Variants in TNFRSF21 observed in about 807,000 individuals in gnomAD.
TNFRSF21 encodes TNF receptor superfamily member 21, also known as tumor necrosis factor receptor superfamily member 21.
Under a neutral mutation model 45.6 loss-of-function variants are expected in TNFRSF21, and 19 were observed. The ratio of observed to expected loss-of-function variants is 0.42; its 90% CI spans 0.29 to 0.61. TNFRSF21 has a LOEUF of 0.61. Ranked by LOEUF, TNFRSF21 falls within the 20% of genes least tolerant of loss-of-function variation. TNFRSF21 has a pLI of 0.23. For synonymous variants in TNFRSF21, 314 were observed against 335.5 expected (o/e 0.94, Z 0.70); for missense variants, 737 against 851.5 (o/e 0.87, Z 1.67).
intron 3 of TNFRSF21, among the ~76,000 whole-genome samples, chr6:47,282,932 A>C (rs1762590896): frequency 6.6e-6 from 1 of 152,218 alleles, no homozygotes; most frequent in Non-Finnish European, 1.5e-5. Context: ...TAAAAGTTTA[A>C]GATCTTTGTG....
At chr6:47,286,616 G>A (rs1674552855) in intron 1 of TNFRSF21, 21 bp from the exon 2 acceptor site, 2 of 1,577,880 alleles carry the variant, frequency 1.3e-6, no homozygotes, top group African/African-American at 2.7e-5. Context: ...CAGAAGGGGA[G>A]GGAAAGGAAC....
chr6:47,286,240 G>A lies in TNFRSF21; in HGVS notation c.452C>T (p.Pro151Leu). Residue 151 changes from proline to leucine, a missense_variant, in exon 2 of 6, where the codon CCT becomes CTT. Coordinates refer to ENST00000296861, the MANE Select transcript of TNFRSF21 (RefSeq NM_014452.5). ...NATCAPHTVC[P>L]VGWGVRKKGT... ...TTTCTTCCGCACACCCCAACCCACA[G>A]GACACACCGTATGGGGGGCACAGGT... is the stretch of plus-strand genomic sequence containing the variant. The A allele has an allele frequency of 4.3e-6, 7 of 1,614,218 alleles. No individual in the cohort carries two copies. Among genetic ancestry groups the A allele is most frequent in the Non-Finnish European group, 5.1e-6 (6 of 1,180,036 alleles).
chr6:47,272,787 A>G (rs1762442138), intron 3 of TNFRSF21, among the ~76,000 whole-genome samples: 1 of 152,222 alleles, frequency 6.6e-6, no homozygotes, highest in Admixed American at 6.5e-5. Flanking sequence ...ATAAAGAAGA[A>G]GAGAGAAGAA....
intron 1 of TNFRSF21, among the ~76,000 whole-genome samples, chr6:47,304,717 C>T (rs1471382094): frequency 6.6e-6 from 1 of 152,138 alleles, no homozygotes; most frequent in African/African-American, 2.4e-5. Flanking sequence ...TTTTCCCTTC[C>T]CAACTTAAGG....
chr6:47,235,060 A>G (rs1176286951), intron 4 of TNFRSF21, among the ~76,000 whole-genome samples, 162 bp from the exon 5 acceptor site: 1 of 152,158 alleles, frequency 6.6e-6, no homozygotes, highest in Non-Finnish European at 1.5e-5. Flanking sequence ...AGACACATAC[A>G]CAGACTTTTA....
intron 5 of TNFRSF21, among the ~76,000 whole-genome samples, chr6:47,234,446 C>A (rs1399039053): frequency 1.3e-5 from 2 of 152,192 alleles, no homozygotes; most frequent in Non-Finnish European, 2.9e-5. Flanking sequence ...AGCTCTCCAC[C>A]GGGCAGTGCG....
chr6:47,236,280 C>T (rs532989949), intron 4 of TNFRSF21, among the ~76,000 whole-genome samples: 13 of 152,240 alleles, frequency 8.5e-5, no homozygotes, highest in African/African-American at 3.1e-4. Context: ...ATAAAAAAAC[C>T]TGGGAGCCAG....
At chr6:47,285,631 C>G (rs1762634748) in intron 2 of TNFRSF21, among the ~76,000 whole-genome samples, 1 of 152,210 alleles carries the variant, frequency 6.6e-6, no homozygotes, top group South Asian at 2.1e-4. Context: ...AAGTTTGAAA[C>G]TGAGGCCTGA....
intron 2 of TNFRSF21, 72 bp downstream of exon 2, chr6:47,285,872 A>T (rs1401030020): frequency 1.3e-6 from 2 of 1,505,990 alleles, no homozygotes; most frequent in African/African-American, 2.8e-5. Flanking sequence ...CATCTTTGGT[A>T]TAAGCCCACT....
intron 3 of TNFRSF21, among the ~76,000 whole-genome samples, chr6:47,281,598 C>A (rs1448536170): frequency 1.3e-5 from 2 of 152,110 alleles, no homozygotes; most frequent in African/African-American, 2.4e-5. Context: ...CCAGGCGGGT[C>A]TCAAACTCCT....
intron 3 of TNFRSF21, among the ~76,000 whole-genome samples, chr6:47,276,955 T>C (rs1054862870): frequency 3.3e-5 from 5 of 152,196 alleles, no homozygotes; most frequent in African/African-American, 1.2e-4. Flanking sequence ...GGTGGCAGTG[T>C]TGCTCCTACC....
intron 3 of TNFRSF21, among the ~76,000 whole-genome samples, chr6:47,254,322 C>T (rs1764949256): frequency 6.6e-6 from 1 of 152,150 alleles, no homozygotes; most frequent in South Asian, 2.1e-4. Context: ...GAGATTTGAT[C>T]GCATTACTCA....
chr6:47,237,788 A>C (rs1764680993), intron 4 of TNFRSF21, among the ~76,000 whole-genome samples: 1 of 152,060 alleles, frequency 6.6e-6, no homozygotes, highest in Non-Finnish European at 1.5e-5. Context: ...TAACCAGTTG[A>C]CCTATAATAC....
At chr6:47,293,769 A>T (rs1203403413) in intron 1 of TNFRSF21, among the ~76,000 whole-genome samples, 1 of 152,226 alleles carries the variant, frequency 6.6e-6, no homozygotes, top group South Asian at 2.1e-4. Flanking sequence ...TTAGGATGAA[A>T]GGCAAAGTCT....
In TNFRSF21 at chr6:47,284,405, G is replaced by A. The variant is rs1762618026; in HGVS notation, c.776C>T (p.Ser259Phe). The A allele has an allele frequency of 6.6e-7, 1 of 1,522,658 alleles. No individual in the cohort carries two copies. The highest frequency in any genetic ancestry group is 8.8e-7 in the Non-Finnish European group (1 of 1,137,454). The allele number at this position is 1,522,658 out of a possible 1,614,324, so 94.3% of individuals were successfully genotyped here. Residue 259 changes from serine to phenylalanine, a missense_variant, in exon 3 of 6, where the codon TCT becomes TTT. Coordinates refer to ENST00000296861, the MANE Select transcript of TNFRSF21 (RefSeq NM_014452.5). ...CAGTACCTTTGGTCTAACAGAGGCA[G>A]AAGAGTTGGATTCTGTTGAGTTCAT... is the stretch of plus-strand genomic sequence containing the variant. Reference protein sequence around the residue: ...KGMNSTESNSSASVRPKVLSS... With the variant: ...KGMNSTESNSFASVRPKVLSS...
At chr6:47,239,085 A>G (rs1335021204) in intron 4 of TNFRSF21, among the ~76,000 whole-genome samples, 2 of 152,154 alleles carry the variant, frequency 1.3e-5, no homozygotes, top group South Asian at 2.1e-4. Flanking sequence ...CAGGAGTTCA[A>G]GACCAGCCTG....
chr6:47,283,764 C>T (rs1354645315), intron 3 of TNFRSF21, among the ~76,000 whole-genome samples, 174 bp downstream of exon 3: 1 of 152,160 alleles, frequency 6.6e-6, no homozygotes, highest in Admixed American at 6.5e-5. Context: ...TCTCTGAATG[C>T]ATTACTTCTA....
chr6:47,234,385 C>T (rs530350922), intron 5 of TNFRSF21, among the ~76,000 whole-genome samples: 35 of 152,352 alleles, frequency 2.3e-4, no homozygotes, highest in African/African-American at 7.7e-4. Flanking sequence ...TTTATCAGGC[C>T]TTCCCCGAAA....
intron 3 of TNFRSF21, among the ~76,000 whole-genome samples, chr6:47,262,273 A>G (rs1206134357): frequency 6.6e-6 from 1 of 152,254 alleles, no homozygotes; most frequent in Non-Finnish European, 1.5e-5. Context: ...TGTGAGGAAA[A>G]TGGATAATCT....
Sources: gnomAD v4.1 joint callset for allele counts (sites outside exome capture counted in the v4.1 genomes callset) on GRCh38, gnomAD v4.1.1 for gene constraint, MANE v1.5 for transcripts, NCBI Gene and HGNC (gene_info 2026-07-23, HGNC 2026-07-21) for gene names.